PTPRG: variants seen among roughly 807,000 people sequenced by gnomAD.
PTPRG encodes receptor-type tyrosine-protein phosphatase gamma.
Under a neutral mutation model 165.3 loss-of-function variants are expected in PTPRG, and 102 were observed. The ratio of observed to expected loss-of-function variants is 0.62; its 90% CI spans 0.53 to 0.73. PTPRG has a LOEUF of 0.73. PTPRG is among the 30% of genes least tolerant of loss of function. PTPRG has a pLI of 0.00. For synonymous variants in PTPRG, 675 were observed against 669.5 expected (o/e 1.01, Z -0.13); for missense variants, 1,866 against 1,861.4 (o/e 1.00, Z -0.05).
At chr3:62,175,190 T>C (rs1055600240) in intron 8 of PTPRG, among the ~76,000 whole-genome samples, 1 of 151,018 alleles carries the variant, frequency 6.6e-6, no homozygotes, top group Non-Finnish European at 1.5e-5. Context: ...TTATAGACTT[T>C]TAATGTAGCA....
chr3:62,202,642 T>G (rs1682920638), intron 11 of PTPRG, among the ~76,000 whole-genome samples: 1 of 152,238 alleles, frequency 6.6e-6, no homozygotes, highest in African/African-American at 2.4e-5. Flanking sequence ...ACCCTGTCAT[T>G]GCAGACCTGG....
At chr3:61,800,402 T>G (rs910830550) in intron 2 of PTPRG, among the ~76,000 whole-genome samples, 1 of 151,850 alleles carries the variant, frequency 6.6e-6, no homozygotes, top group Non-Finnish European at 1.5e-5. Context: ...TACTTGAAGT[T>G]TAGTAGGTAC....
intron 2 of PTPRG, among the ~76,000 whole-genome samples, chr3:61,960,921 C>G (rs2040138799): frequency 6.6e-6 from 1 of 152,070 alleles, no homozygotes; most frequent in African/African-American, 2.4e-5. Context: ...CTAGACCCTT[C>G]ACTGATCAGC....
intron 8 of PTPRG, among the ~76,000 whole-genome samples, chr3:62,186,565 T>C (rs1287559943): frequency 7.3e-6 from 1 of 136,572 alleles, no homozygotes; most frequent in Non-Finnish European, 1.6e-5. Flanking sequence ...TTTTTTCTTT[T>C]CCTTTTTTTT....
intron 2 of PTPRG, among the ~76,000 whole-genome samples, chr3:61,875,796 T>C (rs1329155435): frequency 6.6e-6 from 1 of 152,142 alleles, no homozygotes; most frequent in East Asian, 1.9e-4. Context: ...TGGATATATA[T>C]TCTTTTTACT....
At chr3:62,152,329 A>G (rs1416908699) in intron 6 of PTPRG, among the ~76,000 whole-genome samples, 3 of 152,064 alleles carry the variant, frequency 2.0e-5, no homozygotes, top group Non-Finnish European at 4.4e-5. Context: ...ACCACAGCCT[A>G]GTCAACAGAG....
intron 2 of PTPRG, among the ~76,000 whole-genome samples, chr3:61,751,227 C>A (rs2033415502): frequency 1.3e-5 from 2 of 152,034 alleles, no homozygotes; most frequent in Non-Finnish European, 2.9e-5. Flanking sequence ...TAAACAAGGC[C>A]AGGAAGAAGT....
chr3:62,203,901 C>T lies in PTPRG; in HGVS notation c.2106C>T (p.Ser702=), dbSNP rs920763669. The stretch of plus-strand genomic sequence containing the variant: ...AAATGCCATCTAAAAAGCCTATGTC[C>T]CGCGGGGACCGATTTTCTGAAGACA... ...RPEMPSKKPM[S]RGDRFSEDSR... The change falls in exon 12 of 30, where the codon TCC becomes TCT. Residue 702 remains serine (S), a synonymous_variant. Coordinates refer to ENST00000474889, the MANE Select transcript of PTPRG (RefSeq NM_002841.4). The surrounding 1 kb of genome is among the most constrained non-coding windows in gnomAD (Gnocchi z 6.4). 6.2e-7 allele frequency: 1 copy of T among 1,602,786 alleles called. No individual in the cohort carries two copies. The highest frequency in any genetic ancestry group is 8.5e-7 in the Non-Finnish European group (1 of 1,174,088).
At chr3:62,218,386 C>A (rs1700566322) in intron 12 of PTPRG, among the ~76,000 whole-genome samples, 1 of 152,202 alleles carries the variant, frequency 6.6e-6, no homozygotes, top group Non-Finnish European at 1.5e-5. Flanking sequence ...ATCGTAGTCA[C>A]AGCCAGTTCT....
chr3:62,270,058 G>T (rs980319914), intron 20 of PTPRG, among the ~76,000 whole-genome samples: 1 of 152,080 alleles, frequency 6.6e-6, no homozygotes, highest in Non-Finnish European at 1.5e-5. Flanking sequence ...TTGGACTGTG[G>T]TTGACCTCGG....
chr3:62,161,603 G>A (rs1361662040), intron 7 of PTPRG, among the ~76,000 whole-genome samples: 1 of 152,186 alleles, frequency 6.6e-6, no homozygotes, highest in Non-Finnish European at 1.5e-5. Flanking sequence ...GGGTGAAGAT[G>A]CCATATTAAT....
At chr3:62,022,565 G>A (rs2041722791) in intron 4 of PTPRG, among the ~76,000 whole-genome samples, 1 of 152,148 alleles carries the variant, frequency 6.6e-6, no homozygotes, top group Non-Finnish European at 1.5e-5. Flanking sequence ...CAGGGAACTG[G>A]GATTTGAATA....
intron 1 of PTPRG, among the ~76,000 whole-genome samples, chr3:61,741,387 C>T (rs1031992131): frequency 7.9e-5 from 12 of 152,178 alleles, no homozygotes; most frequent in Non-Finnish European, 1.3e-4. Context: ...GAACCACCCA[C>T]CCATCACCCT....
intron 4 of PTPRG, among the ~76,000 whole-genome samples, chr3:62,058,597 C>T (rs113818241): frequency 8.3e-4 from 127 of 152,178 alleles, no homozygotes; most frequent in Middle Eastern, 3.4e-3. Context: ...TCTTGCCCTG[C>T]GTTTATGGAT....
intron 2 of PTPRG, among the ~76,000 whole-genome samples, chr3:61,921,678 C>G (rs969771400): frequency 3.9e-5 from 6 of 152,132 alleles, no homozygotes; most frequent in African/African-American, 1.4e-4. Context: ...AGACTTGGCT[C>G]TCACATTTAG....
intron 1 of PTPRG, among the ~76,000 whole-genome samples, chr3:61,695,978 G>A (rs184982875): frequency 2.4e-4 from 37 of 152,230 alleles, no homozygotes; most frequent in African/African-American, 8.9e-4. Context: ...GTGAGATAGG[G>A]ATTTAAGGAT....
intron 5 of PTPRG, among the ~76,000 whole-genome samples, chr3:62,086,278 A>ATTTTTTTTTT (rs34119209): frequency 1.3e-5 from 2 of 148,170 alleles, no homozygotes; most frequent in Non-Finnish European, 1.5e-5. Context: ...TATGGTTTTA[A>ATTTTTTTTTT]TTTTTTTTTT....
In PTPRG at chr3:62,172,370, T is replaced by A. The variant is rs188824465; in HGVS notation, c.1033+4207T>A. On this transcript the variant is annotated intron_variant, in intron 8 of 29. Transcript: ENST00000474889. ...CATCAGTTTACATTCCCATCAACAGTGTATGAGGGTTTCAATTTCTCCATA... is the reference window on the plus strand; with the variant it reads ...CATCAGTTTACATTCCCATCAACAGAGTATGAGGGTTTCAATTTCTCCATA... Among the ~76,000 whole-genome samples the A allele has an allele frequency of 3.3e-5, 5 of 152,320 alleles. No homozygotes were observed. In the East Asian group the frequency reaches 9.6e-4, roughly 29 times the overall value.
intron 2 of PTPRG, among the ~76,000 whole-genome samples, chr3:61,792,701 TTTCTTTCTTTCTTTCTTTCTTTCTTTC>T (rs1405407652): frequency 4.1e-5 from 4 of 98,562 alleles, no homozygotes; most frequent in African/African-American, 2.1e-4. Flanking sequence ...TCTTTCTTTC[TTTCTTTCTTTCTTTCTTTCTTTCTTTC>T]TTTCTTTCTT....
Sources: allele counts gnomAD v4.1 joint callset (sites outside exome capture counted in the v4.1 genomes callset), GRCh38; gene constraint gnomAD v4.1.1; non-coding constraint Gnocchi (gnomAD v3.1); transcripts MANE v1.5; gene names NCBI Gene and HGNC (gene_info 2026-07-23, HGNC 2026-07-21).